CIMIP2A: variants seen among roughly 807,000 people sequenced by gnomAD.
CIMIP2A encodes the protein ciliary microtubule inner protein 2A, also known as family with sequence similarity 166 member A.
At chr9:137,244,382 C>G in the CIMIP2A span, 4 of 1,589,930 alleles carry the variant, frequency 2.5e-6, no homozygotes, top group Non-Finnish European at 3.4e-6. Context: ...AGGGCCGGCA[C>G]TCCGTGGGAA....
chr9:137,250,214 G>A, the CIMIP2A span: 1 of 152,250 alleles, frequency 6.6e-6, no homozygotes, highest in Non-Finnish European at 1.5e-5. Flanking sequence ...CTCAAGGAGA[G>A]GATGGATGTC....
At chr9:137,247,976 C>G in the CIMIP2A span, among the ~76,000 whole-genome samples, 2 of 152,186 alleles carry the variant, frequency 1.3e-5, no homozygotes, top group African/African-American at 4.8e-5. Flanking sequence ...GCTCAGAAAA[C>G]AGGACTGTCC....
chr9:137,244,950 A>G, the CIMIP2A span: 5 of 1,602,630 alleles, frequency 3.1e-6, no homozygotes. Flanking sequence ...TGGGAGGCAG[A>G]GGAGGTCCCC....
the CIMIP2A span, among the ~76,000 whole-genome samples, chr9:137,246,438 C>T: frequency 6.6e-6 from 1 of 152,216 alleles, no homozygotes; most frequent in African/African-American, 2.4e-5. Context: ...TCTATGTGAT[C>T]TTTCAAGGAG....
At chr9:137,252,898 G>A in the CIMIP2A span, 3 of 1,597,564 alleles carry the variant, frequency 1.9e-6, no homozygotes, top group Admixed American at 5.2e-5. Context: ...GGAGCCGCCT[G>A]CAGAGCCCCC....
At chr9:137,245,601 G>A in the CIMIP2A span, 4 of 1,613,330 alleles carry the variant, frequency 2.5e-6, no homozygotes, top group South Asian at 3.3e-5. Flanking sequence ...CAGGCAGGCG[G>A]GCACAGGAGG....
At chr9:137,244,315 G>A in the CIMIP2A span, 2 of 1,612,808 alleles carry the variant, frequency 1.2e-6, no homozygotes, top group South Asian at 2.2e-5. Context: ...GTGCTAACAA[G>A]CTCCCTCCCC....
chr9:137,244,411 C>G, the CIMIP2A span: 1 of 1,557,140 alleles, frequency 6.4e-7, no homozygotes, highest in African/African-American at 1.4e-5. Context: ...ATGCTCCCAG[C>G]CTTCTGCATC....
At chr9:137,243,853 C>G in the CIMIP2A span, 3 of 1,556,374 alleles carry the variant, frequency 1.9e-6, no homozygotes, top group African/African-American at 1.4e-5. Flanking sequence ...GGCTGGACAC[C>G]CAGGCTTCAG....
chr9:137,244,101 T>G, the CIMIP2A span: 1 of 1,440,632 alleles, frequency 6.9e-7, no homozygotes, highest in Non-Finnish European at 9.7e-7. Flanking sequence ...CAATGAAGGG[T>G]GAGCAGGTAG....
the CIMIP2A span, chr9:137,244,701 T>C: frequency 6.2e-7 from 1 of 1,613,614 alleles, no homozygotes. Context: ...TTCAACCCCA[T>C]TACCCAGGTG....
the CIMIP2A span, among the ~76,000 whole-genome samples, chr9:137,248,846 C>A: frequency 2.6e-5 from 4 of 152,126 alleles, no homozygotes; most frequent in Non-Finnish European, 4.4e-5. Flanking sequence ...TCAGCCTGGG[C>A]AACAGAACCA....
chr9:137,252,375 G>A, the CIMIP2A span: 19 of 1,524,900 alleles, frequency 1.2e-5, no homozygotes, highest in African/African-American at 5.5e-5. Context: ...AGACAGGTTC[G>A]AGTGGGGACT....
At chr9:137,245,225 C>G in the CIMIP2A span, 16 of 1,578,308 alleles carry the variant, frequency 1.0e-5, no homozygotes, top group Non-Finnish European at 1.4e-5. Flanking sequence ...ACAGCTGGAG[C>G]GGGGAGGAAG....
chr9:137,247,655 C>G, the CIMIP2A span: 4 of 1,612,620 alleles, frequency 2.5e-6, no homozygotes, highest in Non-Finnish European at 3.4e-6. Context: ...GCTCCCGGCT[C>G]TCACCCAGGG....
the CIMIP2A span, chr9:137,245,598 G>T: frequency 3.7e-6 from 6 of 1,613,546 alleles, no homozygotes; most frequent in Non-Finnish European, 5.1e-6. Flanking sequence ...GGACAGGCAG[G>T]CGGGCACAGG....
the CIMIP2A span, chr9:137,247,715 T>C: frequency 1.2e-6 from 2 of 1,613,334 alleles, no homozygotes; most frequent in South Asian, 2.2e-5. Context: ...GTAGTTGTCA[T>C]TTTGCTTTCA....
At chr9:137,249,745 C>T in the CIMIP2A span, among the ~76,000 whole-genome samples, 321 of 152,340 alleles carry the variant, frequency 2.1e-3, 3 homozygotes, top group Non-Finnish European at 6.3e-4. Context: ...CGGCAACTAG[C>T]GAGGACATGG....
At chr9:137,252,206 T>A in the CIMIP2A span, 1 of 1,547,794 alleles carries the variant, frequency 6.5e-7, no homozygotes, top group Non-Finnish European at 8.7e-7. Flanking sequence ...CCTTTGCCTC[T>A]GTGCTGAAAC....
Sources: gnomAD v4.1 joint callset for allele counts (sites outside exome capture counted in the v4.1 genomes callset) on GRCh38, gnomAD v4.1.1 for gene constraint, MANE v1.5 for transcripts, NCBI Gene and HGNC (gene_info 2026-07-23, HGNC 2026-07-21) for gene names.